The following VWA3B variants were observed in gnomAD, a reference collection of about 807,000 sequenced individuals.
The protein encoded by VWA3B is von Willebrand factor A domain-containing protein 3B.
In VWA3B, 138 loss-of-function variants were observed where a neutral mutation model predicts 158.3. The observed-to-expected ratio is 0.87, with a 90% confidence interval of 0.76 to 1.00. The LOEUF (loss-of-function observed/expected upper bound fraction) is 1.00, where lower values mean the gene tolerates loss of function less well. Among genes scored for constraint, VWA3B ranks in the 50% least tolerant of loss-of-function variants. The probability of loss-of-function intolerance (pLI) is 0.00; values close to 1 mark genes in which losing one functional copy is unlikely to be tolerated. For synonymous variants in VWA3B, 596 were observed against 587.3 expected (o/e 1.01, Z -0.21); for missense variants, 1,555 against 1,565.1 (o/e 0.99, Z 0.11).
At chr2:98,090,555 A>T (rs1360505652) in intron 1 of VWA3B, among the ~76,000 whole-genome samples, 1 of 152,126 alleles carries the variant, frequency 6.6e-6, no homozygotes, top group Non-Finnish European at 1.5e-5. Flanking sequence ...ATGGGCTTAT[A>T]CTGAGTTTTG....
At chr2:98,177,465 C>T (rs541622219) in intron 8 of VWA3B, among the ~76,000 whole-genome samples, 29 of 152,158 alleles carry the variant, frequency 1.9e-4, no homozygotes, top group Non-Finnish European at 2.6e-4. Context: ...TAGTAAGTGA[C>T]GCTAGTGAAT....
intron 22 of VWA3B, among the ~76,000 whole-genome samples, chr2:98,277,683 C>T (rs963914009): frequency 5.3e-5 from 8 of 152,064 alleles, no homozygotes; most frequent in South Asian, 2.1e-4. Context: ...TGCTCTGCTC[C>T]GGGAGAAAGA....
chr2:98,154,830 T>C (rs1412926554), intron 7 of VWA3B, among the ~76,000 whole-genome samples: 1 of 152,222 alleles, frequency 6.6e-6, no homozygotes, highest in Non-Finnish European at 1.5e-5. Context: ...GGGTGATGGC[T>C]CTGATTCCAG....
intron 2 of VWA3B, among the ~76,000 whole-genome samples, chr2:98,105,878 C>A (rs539308375): frequency 1.3e-3 from 202 of 151,962 alleles, no homozygotes; most frequent in African/African-American, 4.6e-3. Flanking sequence ...GCCTATATTT[C>A]CAGGTTCTCT....
intron 4 of VWA3B, 146 bp downstream of exon 4, chr2:98,119,909 C>CA: frequency 9.5e-7 from 1 of 1,052,434 alleles, no homozygotes; most frequent in Non-Finnish European, 1.4e-6. Context: ...GTAATTTCAG[C>CA]AGCAATCCCA....
rs539960664 is a variant in VWA3B, at chr2:98,201,813, A to G, written c.1737+7321A>G. Among the ~76,000 whole-genome samples, 143 of 152,290 alleles carry G rather than the reference A, an allele frequency of 9.4e-4. 1 individual carries two copies. Among genetic ancestry groups the G allele is most frequent in the South Asian group, 8.3e-4 (4 of 4,822 alleles). On this transcript the variant is annotated intron_variant, in intron 12 of 27. Coordinates refer to ENST00000477737, the MANE Select transcript of VWA3B (RefSeq NM_144992.5). ...GATCTGTTGTCTGTTAATATGGTGC[A>G]CTACGTTGATTTGTTTTTGAATATT...
chr2:98,175,462 C>T (rs556588507), intron 8 of VWA3B, among the ~76,000 whole-genome samples: 12 of 152,164 alleles, frequency 7.9e-5, no homozygotes, highest in Middle Eastern at 3.4e-3. Flanking sequence ...TTCAACACCC[C>T]GATTTGAGAA....
chr2:98,319,478 G>T, the VWA3B span, among the ~76,000 whole-genome samples: 1 of 152,072 alleles, frequency 6.6e-6, no homozygotes, highest in Non-Finnish European at 1.5e-5. Flanking sequence ...CCAAAGACCT[G>T]GCAGAAAAAT....
At chr2:98,190,518 A>G (rs1681488826) in intron 10 of VWA3B, among the ~76,000 whole-genome samples, 1 of 152,136 alleles carries the variant, frequency 6.6e-6, no homozygotes, top group Non-Finnish European at 1.5e-5. Flanking sequence ...TTCCACCTGA[A>G]GAAGTTTCAT....
chr2:98,163,450 A>G lies in VWA3B; in HGVS notation c.1114+474A>G, dbSNP rs557424178. 8.5e-5 allele frequency among the ~76,000 whole-genome samples: 13 copies of G among 152,296 alleles called. No homozygotes were observed. The South Asian group carries it at 2.3e-3, about 27-fold the overall frequency. On this transcript the variant is annotated intron_variant, in intron 8 of 27. Transcript: ENST00000477737. ...CTACTCAGGAGGCTGAGGCAGGAGA[A>G]TGGCTTGAACCCGGGAGGCAGAGAT...
At chr2:98,245,176 T>G (rs574134523) in intron 19 of VWA3B, among the ~76,000 whole-genome samples, 8 of 152,198 alleles carry the variant, frequency 5.3e-5, no homozygotes, top group African/African-American at 1.9e-4. Flanking sequence ...CCAGTTATGC[T>G]TGATTTGCAT....
intron 23 of VWA3B, among the ~76,000 whole-genome samples, chr2:98,295,135 C>T (rs1689723877): frequency 6.6e-6 from 1 of 151,984 alleles, no homozygotes; most frequent in South Asian, 2.1e-4. Context: ...AAGGAAACCT[C>T]CGAGACTGGA....
intron 6 of VWA3B, 37 bp from the exon 7 acceptor site, chr2:98,133,787 G>C (rs763953467): frequency 6.3e-6 from 10 of 1,588,328 alleles, no homozygotes; most frequent in Non-Finnish European, 8.6e-6. Flanking sequence ...GGACACCTGC[G>C]TACTGCCTTC....
At chr2:98,275,449 C>A (rs78978880) in intron 22 of VWA3B, among the ~76,000 whole-genome samples, 5 of 151,862 alleles carry the variant, frequency 3.3e-5, no homozygotes, top group Admixed American at 6.6e-5. Context: ...GGGACCAAGG[C>A]GGATGAGGCC....
At chr2:98,311,710 A>G in intron 26 of VWA3B, 109 bp from the exon 27 acceptor site, 1 of 1,285,932 alleles carries the variant, frequency 7.8e-7, no homozygotes, top group Non-Finnish European at 1.1e-6. Context: ...TTCCATGGGA[A>G]GAGGGACGTG....
intron 15 of VWA3B, among the ~76,000 whole-genome samples, chr2:98,229,794 A>G (rs528709029): frequency 2.6e-4 from 39 of 152,254 alleles, no homozygotes; most frequent in African/African-American, 8.9e-4. Context: ...GAGTGACTTG[A>G]CTGAGGTCAC....
At chr2:98,135,339 T>C (rs1242687274) in intron 7 of VWA3B, among the ~76,000 whole-genome samples, 7 of 129,460 alleles carry the variant, frequency 5.4e-5, no homozygotes, top group African/African-American at 1.5e-4. Flanking sequence ...TTTTTTTTTT[T>C]TTTTTTTTTT....
intron 7 of VWA3B, among the ~76,000 whole-genome samples, chr2:98,160,315 T>G (rs1228716419): frequency 1.3e-5 from 2 of 152,198 alleles, no homozygotes; most frequent in Non-Finnish European, 2.9e-5. Flanking sequence ...TTTCACTGTT[T>G]TTTTGTTTTG....
chr2:98,300,203 G>A lies in VWA3B; in HGVS notation c.3407G>A (p.Cys1136Tyr). ...GAAAAATTCTACACAGTTTTGAAGT[G>A]TAACAACCGGAGAGTAAGTAGATTT... The part of the protein sequence containing the change: ...ATEKFYTVLK[C>Y]NNRREFCPRS... Residue 1136 changes from cysteine to tyrosine, a missense_variant, in exon 25 of 28, where the codon TGT (cysteine) becomes TAT (tyrosine). Cys to Tyr is a radical substitution (Grantham distance 194, BLOSUM62 -2). Transcript: ENST00000477737. 1 of 1,614,168 alleles carries A rather than the reference G, an allele frequency of 6.2e-7. No homozygotes were observed. Among genetic ancestry groups the A allele is most frequent in the Non-Finnish European group, 8.5e-7 (1 of 1,180,042 alleles).
Sources: allele counts gnomAD v4.1 joint callset (sites outside exome capture counted in the v4.1 genomes callset), GRCh38; gene constraint gnomAD v4.1.1; transcripts MANE v1.5; gene names NCBI Gene and HGNC (gene_info 2026-07-23, HGNC 2026-07-21).